The following PTPRN2 variants were observed in gnomAD, a reference collection of about 807,000 sequenced individuals.
PTPRN2 encodes protein tyrosine phosphatase receptor type N2, also known as receptor-type tyrosine-protein phosphatase N2.
Under a neutral mutation model 118.8 loss-of-function variants are expected in PTPRN2, and 74 were observed. The ratio of observed to expected loss-of-function variants is 0.62; its 90% CI spans 0.52 to 0.76. PTPRN2 has a LOEUF of 0.76. Among genes scored for constraint, PTPRN2 ranks in the 30% least tolerant of loss-of-function variants. The probability of loss-of-function intolerance (pLI) is 0.00; values close to 1 mark genes in which losing one functional copy is unlikely to be tolerated. For synonymous variants in PTPRN2, 641 were observed against 608.0 expected, an observed-to-expected ratio of 1.05 and a Z score of -0.80; for missense variants, 1,481 against 1,394.4, an observed-to-expected ratio of 1.06 and a Z score of -0.99.
chr7:157,947,974 G>A (rs946770286), intron 11 of PTPRN2, among the ~76,000 whole-genome samples: 4 of 152,222 alleles, frequency 2.6e-5, no homozygotes, highest in Non-Finnish European at 5.9e-5. Flanking sequence ...CTTTGAAAAT[G>A]AAGCCAAAAT....
intron 11 of PTPRN2, among the ~76,000 whole-genome samples, chr7:158,010,313 G>A (rs979200844): frequency 1.3e-5 from 2 of 152,170 alleles, no homozygotes; most frequent in Non-Finnish European, 2.9e-5. Flanking sequence ...AGACGTTGTA[G>A]GTGCTACAGA....
At position 158,519,961 on chromosome 7, in the gene PTPRN2, T is replaced by C. The variant is rs528331790; in HGVS notation, c.113-30176A>G. ...AAGCTTTCCTGTTCAGTGCAATGACTACTCTGCCAAACACACAAGTTCTGA... is the reference window on the plus strand; with the variant it reads ...AAGCTTTCCTGTTCAGTGCAATGACCACTCTGCCAAACACACAAGTTCTGA... On this transcript the variant is annotated intron_variant, in intron 1 of 22. Transcript: ENST00000389418. Among the ~76,000 whole-genome samples, 166 of 152,352 alleles carry C rather than the reference T, an allele frequency of 1.1e-3. 2 individuals are homozygous for C. The South Asian group carries it at 0.013, about 12-fold the overall frequency.
At chr7:158,189,976 C>T (rs553300241) in intron 5 of PTPRN2, among the ~76,000 whole-genome samples, 22 of 152,358 alleles carry the variant, frequency 1.4e-4, no homozygotes, top group East Asian at 5.8e-4. Flanking sequence ...CACAGGTGTG[C>T]GGAGGGAATA....
At chr7:157,910,515 G>A (rs1410806262) in intron 11 of PTPRN2, among the ~76,000 whole-genome samples, 5 of 152,006 alleles carry the variant, frequency 3.3e-5, no homozygotes, top group African/African-American at 7.3e-5. Context: ...CCGTGGGAAC[G>A]GGTCCAGGAT....
chr7:158,078,152 T>G lies in PTPRN2; in HGVS notation c.1723+3146A>C, dbSNP rs184417016. Among the ~76,000 whole-genome samples the G allele has an allele frequency of 7.9e-5, 12 of 152,328 alleles. No individual in the cohort carries two copies. The East Asian group carries it at 2.3e-3, about 29-fold the overall frequency. On this transcript the variant is annotated intron_variant, in intron 11 of 22. Transcript: ENST00000389418. ...CCACGTGACGTTTGATGGGGACTAA[T>G]GTGGGATTAACTACACGCCTATTCA...
intron 2 of PTPRN2, among the ~76,000 whole-genome samples, chr7:158,367,912 G>A (rs1187300918): frequency 6.6e-6 from 1 of 152,158 alleles, no homozygotes; most frequent in East Asian, 1.9e-4. Context: ...ATTTGGGAAT[G>A]GCTCATCTGC....
At chr7:157,922,681 C>G (rs1374124529) in intron 11 of PTPRN2, among the ~76,000 whole-genome samples, 1 of 152,182 alleles carries the variant, frequency 6.6e-6, no homozygotes, top group Non-Finnish European at 1.5e-5. Flanking sequence ...AAGGTTGGTT[C>G]TTTTCCTTCC....
At chr7:157,823,499 C>G (rs1806979336) in intron 12 of PTPRN2, among the ~76,000 whole-genome samples, 1 of 152,190 alleles carries the variant, frequency 6.6e-6, no homozygotes, top group African/African-American at 2.4e-5. Flanking sequence ...AACAGCTGGA[C>G]TCCATCTATT....
chr7:157,785,395 A>T lies in PTPRN2; in HGVS notation c.1789-102458T>A, dbSNP rs1169757001. Among the ~76,000 whole-genome samples the T allele has an allele frequency of 6.6e-6, 1 of 152,118 alleles. No individual in the cohort carries two copies. Among genetic ancestry groups the T allele is most frequent in the East Asian group, 1.9e-4 (1 of 5,156 alleles). ...GTGCTCCAAAACGAAATCGCCCCCG[A>T]GGATGAAAGGGGGTGGTGGAAAAGG... On this transcript the variant is annotated intron_variant, in intron 12 of 22. Coordinates refer to ENST00000389418, the MANE Select transcript of PTPRN2 (RefSeq NM_002847.5). The surrounding 1 kb of genome is among the most constrained non-coding windows in gnomAD (Gnocchi z 7.3).
chr7:158,307,742 T>C (rs545815572), intron 3 of PTPRN2, among the ~76,000 whole-genome samples: 2 of 152,108 alleles, frequency 1.3e-5, no homozygotes, highest in African/African-American at 4.8e-5. Context: ...CCTCCAAAAC[T>C]CATGTTGAAG....
intron 2 of PTPRN2, among the ~76,000 whole-genome samples, chr7:158,350,671 G>A (rs1209707868): frequency 6.6e-6 from 1 of 152,112 alleles, no homozygotes; most frequent in African/African-American, 2.4e-5. Context: ...GTGCCCTAGG[G>A]ACAGGAGAGC....
chr7:157,681,042 CTT>C (rs5888727), intron 13 of PTPRN2, among the ~76,000 whole-genome samples: 7 of 150,608 alleles, frequency 4.6e-5, no homozygotes, highest in Non-Finnish European at 7.4e-5. Context: ...ACTGGGAAGG[CTT>C]TTTTTTTTCT....
rs566510075 is a variant in PTPRN2, at chr7:157,842,934, G to A, written c.1788+55739C>T. Reference sequence around the variant, plus strand: ...ATTAGGAATATCTTCCTCAGAGAAGGGATGTGACAGCCCAATCCACACCGC... The same window carrying A: ...ATTAGGAATATCTTCCTCAGAGAAGAGATGTGACAGCCCAATCCACACCGC... On this transcript the variant is annotated intron_variant, in intron 12 of 22. Coordinates refer to ENST00000389418, the MANE Select transcript of PTPRN2 (RefSeq NM_002847.5). Among the ~76,000 whole-genome samples, 6 of 152,284 alleles carry A rather than the reference G, an allele frequency of 3.9e-5. No homozygotes were observed. The East Asian group carries it at 1.2e-3, about 29-fold the overall frequency.
At chr7:158,452,516 C>T (rs1217771872) in intron 2 of PTPRN2, among the ~76,000 whole-genome samples, 2 of 152,200 alleles carry the variant, frequency 1.3e-5, no homozygotes, top group Non-Finnish European at 2.9e-5. Context: ...ACGCCACGCA[C>T]CTGCCCCTGC....
rs550376844 is a variant in PTPRN2, at chr7:158,114,167, G to A, written c.1557-3252C>T. 5.9e-5 allele frequency among the ~76,000 whole-genome samples: 9 copies of A among 152,330 alleles called. No individual in the cohort carries two copies. The East Asian group carries it at 1.4e-3, about 23-fold the overall frequency. ...AATGGAAAGGTGAGGCTGCATCCACGTACCACAGGCCTTCCCTGCCCAGTC... is the reference window on the plus strand; with the variant it reads ...AATGGAAAGGTGAGGCTGCATCCACATACCACAGGCCTTCCCTGCCCAGTC... On this transcript the variant is annotated intron_variant, in intron 9 of 22. Coordinates refer to ENST00000389418, the MANE Select transcript of PTPRN2 (RefSeq NM_002847.5).
Position 157,656,439 on chromosome 7 carries a change from G to A in PTPRN2, c.2114C>T (p.Pro705Leu). 6.4e-7 allele frequency: 1 copy of A among 1,554,590 alleles called. No individual in the cohort carries two copies. Among genetic ancestry groups the A allele is most frequent in the South Asian group, 1.2e-5 (1 of 84,352 alleles). Reference protein sequence around the residue: ...SQFSDGPIPSPSARSSASSWS... With the variant: ...SQFSDGPIPSLSARSSASSWS... ...GGATGAGGCGCTGCTGCGTGCGGAG[G>A]GGCTGGGGATCGGCCCGTCGCTGAA... The change falls in exon 14 of 23, where the codon CCC becomes CTC. Residue 705 changes from proline to leucine, a missense_variant. Pro to Leu is a moderately conservative substitution (Grantham distance 98). This residue lies in a region of PTPRN2 where 1,115 missense variants were observed against 994.2 expected (regional missense o/e 1.12). Coordinates refer to ENST00000389418, the MANE Select transcript of PTPRN2 (RefSeq NM_002847.5).
intron 15 of PTPRN2, among the ~76,000 whole-genome samples, chr7:157,613,608 G>C (rs1665056294): frequency 6.6e-6 from 1 of 152,202 alleles, no homozygotes; most frequent in South Asian, 2.1e-4. Context: ...CCCGCGGGAG[G>C]AGGCCGCCGC....
chr7:158,179,062 T>C (rs866348080), intron 5 of PTPRN2, among the ~76,000 whole-genome samples: 1 of 152,222 alleles, frequency 6.6e-6, no homozygotes, highest in Non-Finnish European at 1.5e-5. Flanking sequence ...CAACTTTTAG[T>C]TCTTTATGAA....
chr7:157,556,173 C>T (rs1195215831), intron 21 of PTPRN2, among the ~76,000 whole-genome samples: 1 of 152,188 alleles, frequency 6.6e-6, no homozygotes, highest in Non-Finnish European at 1.5e-5. Flanking sequence ...AGGGATGCCA[C>T]TTGGCACTGA....
Sources: gnomAD v4.1 joint callset for allele counts (sites outside exome capture counted in the v4.1 genomes callset) on GRCh38, gnomAD v4.1.1 for gene constraint, gnomAD v4.1.1 regional missense constraint, Gnocchi (gnomAD v3.1) non-coding constraint, MANE v1.5 for transcripts, NCBI Gene and HGNC (gene_info 2026-07-23, HGNC 2026-07-21) for gene names.